TRIO: variants seen among roughly 807,000 people sequenced by gnomAD.
The protein encoded by TRIO is trio Rho guanine nucleotide exchange factor, also known as triple functional domain protein.
In TRIO, 58 loss-of-function variants were observed where a neutral mutation model predicts 351.9. That is an observed-to-expected ratio of 0.16 (90% CI 0.13 to 0.21). The LOEUF (loss-of-function observed/expected upper bound fraction) is 0.21, where lower values mean the gene tolerates loss of function less well. Among genes scored for constraint, TRIO ranks in the 10% least tolerant of loss-of-function variants. The pLI, the probability that TRIO is intolerant of heterozygous loss-of-function variation, is 1.00. For synonymous variants in TRIO, 1,758 were observed against 1,595.7 expected (o/e 1.10, Z -2.42); for missense variants, 3,201 against 4,027.8 (o/e 0.79, Z 5.56).
chr5:14,406,233 C>A, intron 32 of TRIO: 1 of 608,782 alleles, frequency 1.6e-6, no homozygotes, highest in Non-Finnish European at 2.8e-6. Flanking sequence ...CTTTCTCACC[C>A]CGAGCACCAT....
chr5:14,388,985 A>C (rs1393576194), intron 24 of TRIO, among the ~76,000 whole-genome samples: 1 of 152,202 alleles, frequency 6.6e-6, no homozygotes, highest in East Asian at 1.9e-4. Context: ...TGTGCCTACT[A>C]ATTATGACTG....
chr5:14,283,744 C>T (rs1037811804), intron 3 of TRIO, among the ~76,000 whole-genome samples: 22 of 151,918 alleles, frequency 1.4e-4, no homozygotes, highest in Admixed American at 2.0e-4. Context: ...GGGGTCGCCC[C>T]TCCCTGCCCT....
intron 11 of TRIO, among the ~76,000 whole-genome samples, chr5:14,346,621 A>C (rs1742440598): frequency 6.6e-6 from 1 of 152,228 alleles, no homozygotes; most frequent in African/African-American, 2.4e-5. Context: ...GCTGGTCAGG[A>C]AAAGTGAATG....
chr5:14,366,845 T>C lies in TRIO; in HGVS notation c.2755-15T>C. On this transcript the variant is annotated splice_polypyrimidine_tract_variant and intron_variant, in intron 15 of 56. Transcript: ENST00000344204. ...GGAAGTCCACTGCTTGGAGTTATCC[T>C]GTGTAATGTTTCAGGTGCTGGGTTG... The C allele has an allele frequency of 6.2e-7, 1 of 1,614,118 alleles. No individual in the cohort carries two copies. The highest frequency in any genetic ancestry group is 8.5e-7 in the Non-Finnish European group (1 of 1,180,002).
At position 14,286,755 on chromosome 5, in the gene TRIO, C is replaced by A; in HGVS notation, c.348-116C>A. 4 of 1,065,408 alleles carry A rather than the reference C, an allele frequency of 3.8e-6. No individual in the cohort carries two copies. Among genetic ancestry groups the A allele is most frequent in the South Asian group, 3.2e-5 (2 of 63,272 alleles). 66.0% of individuals were successfully genotyped at this position (1,065,408 alleles called of 1,614,324 possible). A position where few individuals can be genotyped will look rare whatever the true frequency, so the allele number is the denominator to read the frequency against. On this transcript the variant is annotated intron_variant, in intron 3 of 56. Coordinates refer to ENST00000344204, the MANE Select transcript of TRIO (RefSeq NM_007118.4). The surrounding 1 kb of genome is among the most constrained non-coding windows in gnomAD (Gnocchi z 4.4). ...GAGCACAGTGTGCTCCTTCCCCTGC[C>A]TCCGCACGTGTCCAGCAGGGGAGGG...
intron 34 of TRIO, among the ~76,000 whole-genome samples, chr5:14,421,872 A>G (rs1173505122): frequency 6.6e-6 from 1 of 152,104 alleles, no homozygotes; most frequent in African/African-American, 2.4e-5. Flanking sequence ...CCAACAAAAG[A>G]CATAGGAACT....
intron 1 of TRIO, among the ~76,000 whole-genome samples, chr5:14,186,962 A>C (rs139626932): frequency 1.8e-3 from 276 of 152,278 alleles, no homozygotes; most frequent in African/African-American, 6.3e-3. Flanking sequence ...TCCTGTTCCC[A>C]TGGTGGATAA....
intron 1 of TRIO, among the ~76,000 whole-genome samples, chr5:14,220,424 A>G (rs1199313959): frequency 6.6e-6 from 1 of 152,202 alleles, no homozygotes; most frequent in African/African-American, 2.4e-5. Context: ...AAATCCAACT[A>G]TGGCCTCTAA....
intron 1 of TRIO, among the ~76,000 whole-genome samples, chr5:14,218,827 C>T (rs1792392058): frequency 6.6e-6 from 1 of 152,236 alleles, no homozygotes; most frequent in African/African-American, 2.4e-5. Flanking sequence ...ATGACAATTT[C>T]CAAAGGCTGT....
In TRIO at chr5:14,156,924, C is replaced by T. The variant is rs150211279; in HGVS notation, c.157+13042C>T. Among the ~76,000 whole-genome samples, 1,439 of 152,156 alleles carry T rather than the reference C, an allele frequency of 9.5e-3. 89 individuals carry two copies. The highest frequency in any genetic ancestry group is 0.081 in the Admixed American group (1,232 of 15,282). Reference sequence around the variant, plus strand: ...AGCACAAAATTGAAAAATCAGGAGTCGCCAGAGAAGAAAGGGAGATTAATT... The same window carrying T: ...AGCACAAAATTGAAAAATCAGGAGTTGCCAGAGAAGAAAGGGAGATTAATT... On this transcript the variant is annotated intron_variant, in intron 1 of 56. Transcript: ENST00000344204.
At chr5:14,299,975 A>G (rs539421780) in intron 7 of TRIO, among the ~76,000 whole-genome samples, 2 of 152,388 alleles carry the variant, frequency 1.3e-5, no homozygotes, top group South Asian at 4.1e-4. Flanking sequence ...AGTTAAAGCT[A>G]GATGAGAATG....
At chr5:14,487,339 T>C (rs2126633074) in intron 47 of TRIO, 125 bp from the exon 48 acceptor site, 1 of 1,036,294 alleles carries the variant, frequency 9.6e-7, no homozygotes, top group South Asian at 3.8e-5. Context: ...ATGGGTGGGG[T>C]TGCTCTGCGC....
chr5:14,392,847 C>T (rs1419248242), intron 27 of TRIO, among the ~76,000 whole-genome samples: 1 of 152,090 alleles, frequency 6.6e-6, no homozygotes, highest in African/African-American at 2.4e-5. Flanking sequence ...GAGATCGACA[C>T]CATCCTGGCT....
At chr5:14,183,343 C>T (rs1789907018) in intron 1 of TRIO, among the ~76,000 whole-genome samples, 1 of 152,036 alleles carries the variant, frequency 6.6e-6, no homozygotes. Context: ...GGGCTTTTCT[C>T]TCCCCTTCCT....
Position 14,236,515 on chromosome 5 carries a change from C to T in TRIO, c.158-34310C>T, listed in dbSNP as rs1298975566. 2.6e-5 allele frequency among the ~76,000 whole-genome samples: 4 copies of T among 152,224 alleles called. No homozygotes were observed. In the East Asian group the frequency reaches 7.7e-4, roughly 29 times the overall value. On this transcript the variant is annotated intron_variant, in intron 1 of 56. Transcript: ENST00000344204. ...TTCACCAAGGTATTAAACATTGTTA[C>T]CATTTTAGTTACTATTGTATATACC...
intron 39 of TRIO, 86 bp from the exon 40 acceptor site, chr5:14,473,908 T>A (rs1754858895): frequency 7.5e-7 from 1 of 1,333,032 alleles, no homozygotes; most frequent in Admixed American, 1.8e-5. Context: ...GTGTCCATTT[T>A]GCCCTCTGTG....
chr5:14,235,387 G>A (rs181265190), intron 1 of TRIO, among the ~76,000 whole-genome samples: 2 of 152,274 alleles, frequency 1.3e-5, no homozygotes, highest in East Asian at 3.9e-4. Flanking sequence ...GAAGACCTGG[G>A]TTTGATGATT....
intron 37 of TRIO, among the ~76,000 whole-genome samples, chr5:14,469,777 C>T (rs774785834): frequency 4.6e-5 from 7 of 152,250 alleles, no homozygotes; most frequent in Non-Finnish European, 8.8e-5. Flanking sequence ...CTGGGGACTC[C>T]ATTGTTGCAG....
rs1754681209 is a variant in TRIO, at chr5:14,471,466, A to G, written c.5912A>G (p.His1971Arg). ...AAATCCAGCTCTTTAAAGAGAAGAC[A>G]GTAAGACAGAAATGTTTTCATTCTT... ...ERKSSSLKRR[H>R]YVLQELVETE... The change falls in exon 38 of 57, where the codon CAC becomes CGC. Residue 1971 changes from histidine (H) to arginine (R), a missense_variant and splice_region_variant. By Grantham distance (29) the His-to-Arg change is conservative. Around this residue, in one of 19 missense-constraint regions of TRIO, gnomAD observed 307 missense variants for 396.5 expected, o/e 0.77. Coordinates refer to ENST00000344204, the MANE Select transcript of TRIO (RefSeq NM_007118.4). The G allele has an allele frequency of 1.2e-6, 2 of 1,614,118 alleles. No individual in the cohort carries two copies. The highest frequency in any genetic ancestry group is 2.7e-5 in the African/African-American group (2 of 75,050).
Sources: allele counts gnomAD v4.1 joint callset (sites outside exome capture counted in the v4.1 genomes callset), GRCh38; gene constraint gnomAD v4.1.1; regional missense constraint gnomAD v4.1.1; non-coding constraint Gnocchi (gnomAD v3.1); transcripts MANE v1.5; gene names NCBI Gene and HGNC (gene_info 2026-07-23, HGNC 2026-07-21).